The following SOX5 variants were observed in gnomAD, a reference collection of about 807,000 sequenced individuals.
SOX5 encodes the protein SRY-box transcription factor 5, also known as transcription factor SOX-5.
Under a neutral mutation model 92.0 loss-of-function variants are expected in SOX5, and 9 were observed. The ratio of observed to expected loss-of-function variants is 0.10; its 90% confidence interval spans 0.06 to 0.17. The LOEUF (loss-of-function observed/expected upper bound fraction) is 0.17, where lower values mean the gene tolerates loss of function less well. SOX5 is among the 10% of genes least tolerant of loss of function. The pLI, the probability that SOX5 is intolerant of heterozygous loss-of-function variation, is 1.00. For synonymous variants in SOX5, 344 were observed against 336.3 expected (o/e 1.02, Z -0.25); for missense variants, 642 against 944.5 (o/e 0.68, Z 4.20).
intron 4 of SOX5, among the ~76,000 whole-genome samples, chr12:24,195,178 A>T (rs936495425): frequency 2.6e-5 from 4 of 151,960 alleles, no homozygotes; most frequent in African/African-American, 9.7e-5. Flanking sequence ...CTAGGATCAG[A>T]TCATGAATAC....
At chr12:24,555,825 G>T (rs544596487) in intron 1 of SOX5, among the ~76,000 whole-genome samples, 2 of 152,160 alleles carry the variant, frequency 1.3e-5, no homozygotes, top group African/African-American at 2.4e-5. Context: ...ACTAAACTGG[G>T]CTATACTGCC....
intron 1 of SOX5, among the ~76,000 whole-genome samples, chr12:24,372,845 C>G (rs1278630369): frequency 6.6e-6 from 1 of 151,344 alleles, no homozygotes; most frequent in Admixed American, 6.6e-5. Context: ...GGGATGGGTG[C>G]AGTGGCTCAC....
intron 6 of SOX5, among the ~76,000 whole-genome samples, chr12:23,715,022 T>C (rs2092376725): frequency 6.6e-6 from 1 of 152,070 alleles, no homozygotes; most frequent in African/African-American, 2.4e-5. Flanking sequence ...TTGAGAAGCA[T>C]AGAGTTTCCT....
At chr12:23,949,738 CTCTCTCTCTCTCTCCCTCTCTCTCTCTG>C (rs1945246513), upstream of SOX5, 11 of 1,071,482 alleles carry the variant, frequency 1.0e-5, no homozygotes, top group Middle Eastern at 2.2e-4. Context: ...CTCCCTCTCT[CTCTCTCTCTCTCTCCCTCTCTCTCTCTG>C]TCTCTCTCTC....
chr12:23,593,344 A>G (rs1951853731), intron 9 of SOX5, among the ~76,000 whole-genome samples: 1 of 152,178 alleles, frequency 6.6e-6, no homozygotes, highest in Non-Finnish European at 1.5e-5. Context: ...TGTTTTAAAA[A>G]CCATAATTAA....
intron 1 of SOX5, among the ~76,000 whole-genome samples, chr12:24,398,388 C>T (rs1373401073): frequency 1.3e-5 from 2 of 152,130 alleles, no homozygotes; most frequent in African/African-American, 4.8e-5. Context: ...CCTGTGGTCC[C>T]AGCTACTCGA....
At chr12:24,232,506 A>C (rs774653541) in intron 3 of SOX5, among the ~76,000 whole-genome samples, 1 of 152,222 alleles carries the variant, frequency 6.6e-6, no homozygotes, top group Non-Finnish European at 1.5e-5. Flanking sequence ...TATTCCTGAG[A>C]CAAGGAAGAA....
intron 10 of SOX5, among the ~76,000 whole-genome samples, chr12:23,567,945 C>G (rs189047907): frequency 6.6e-6 from 1 of 151,974 alleles, no homozygotes. Context: ...GGCTGCTATA[C>G]AAGGAAAGAA....
intron 1 of SOX5, among the ~76,000 whole-genome samples, chr12:24,535,350 A>G (rs1951548540): frequency 6.6e-6 from 1 of 152,206 alleles, no homozygotes; most frequent in South Asian, 2.1e-4. Context: ...TTAAAGTACA[A>G]ATACTCCTGG....
At chr12:23,584,603 C>A in intron 9 of SOX5, 1 of 1,607,420 alleles carries the variant, frequency 6.2e-7, no homozygotes, top group Non-Finnish European at 8.5e-7. Flanking sequence ...CCCACTATAA[C>A]TGACTGTTTA....
intron 6 of SOX5, among the ~76,000 whole-genome samples, chr12:23,709,194 T>C (rs561382180): frequency 6.6e-6 from 1 of 152,200 alleles, no homozygotes; most frequent in South Asian, 2.1e-4. Flanking sequence ...CTCTAACTCC[T>C]CAGCTCAAGG....
At chr12:24,530,975 T>A (rs547131054) in intron 1 of SOX5, among the ~76,000 whole-genome samples, 1 of 152,276 alleles carries the variant, frequency 6.6e-6, no homozygotes, top group Non-Finnish European at 1.5e-5. Context: ...ACTAAATAAA[T>A]CGGCAAAATT....
intron 8 of SOX5, among the ~76,000 whole-genome samples, chr12:23,639,843 A>G (rs1005554117): frequency 2.6e-5 from 4 of 152,198 alleles, no homozygotes; most frequent in Non-Finnish European, 4.4e-5. Context: ...TGATGCTACA[A>G]TATAAAACTA....
At chr12:23,640,283 C>A (rs2138707820) in intron 8 of SOX5, among the ~76,000 whole-genome samples, 1 of 152,252 alleles carries the variant, frequency 6.6e-6, no homozygotes, top group South Asian at 2.1e-4. Flanking sequence ...CTAGAAAAGT[C>A]TTAATTGGGA....
chr12:24,321,627 C>T (rs552608352), intron 2 of SOX5, among the ~76,000 whole-genome samples: 5 of 152,244 alleles, frequency 3.3e-5, no homozygotes, highest in East Asian at 1.9e-4. Flanking sequence ...GTCGACTCAA[C>T]GTATCTGAAC....
intron 1 of SOX5, among the ~76,000 whole-genome samples, chr12:24,469,433 TGG>T: frequency 6.6e-6 from 1 of 152,224 alleles, no homozygotes; most frequent in East Asian, 1.9e-4. Flanking sequence ...GTTCTCCATT[TGG>T]CTGCTCCTTT....
intron 3 of SOX5, among the ~76,000 whole-genome samples, chr12:24,213,951 T>A (rs1240605247): frequency 3.3e-5 from 5 of 150,754 alleles, no homozygotes; most frequent in Non-Finnish European, 7.4e-5. Flanking sequence ...TAGTTTAAAA[T>A]ATATATATAT....
At chr12:23,981,732 A>C (rs1366796560) in intron 4 of SOX5, among the ~76,000 whole-genome samples, 3 of 152,064 alleles carry the variant, frequency 2.0e-5, no homozygotes, top group African/African-American at 7.2e-5. Flanking sequence ...TTTTATGTAC[A>C]TTTCATCAAG....
intron 4 of SOX5, among the ~76,000 whole-genome samples, chr12:24,175,247 T>C (rs1339420951): frequency 6.6e-6 from 1 of 152,214 alleles, no homozygotes. Flanking sequence ...TTCCAGCAGT[T>C]TTGCACATAG....
Sources: gnomAD v4.1 joint callset for allele counts (sites outside exome capture counted in the v4.1 genomes callset) on GRCh38, gnomAD v4.1.1 for gene constraint, MANE v1.5 for transcripts, NCBI Gene and HGNC (gene_info 2026-07-23, HGNC 2026-07-21) for gene names.